ZBTB20: variants seen among roughly 807,000 people sequenced by gnomAD.
The protein encoded by ZBTB20 is zinc finger and BTB domain-containing protein 20.
A neutral mutation model predicts 56.9 loss-of-function variants in ZBTB20; 9 were observed. The observed-to-expected ratio is 0.16, with a 90% CI of 0.10 to 0.28. The LOEUF (loss-of-function observed/expected upper bound fraction) is 0.28. ZBTB20 is among the 10% of genes least tolerant of loss of function. The pLI, the probability that ZBTB20 is intolerant of heterozygous loss-of-function variation, is 1.00. For synonymous variants in ZBTB20, 417 were observed against 420.7 expected, an observed-to-expected ratio of 0.99 and a Z score of 0.11; for missense variants, 655 against 1,003.0, an observed-to-expected ratio of 0.65 and a Z score of 4.69.
chr3:114,370,793 G>A (rs1340325315), intron 10 of ZBTB20, among the ~76,000 whole-genome samples: 1 of 152,182 alleles, frequency 6.6e-6, no homozygotes, highest in Non-Finnish European at 1.5e-5. Context: ...AACACCTGTG[G>A]TAGCTCATAC....
At chr3:114,460,539 A>C (rs980357650) in intron 7 of ZBTB20, among the ~76,000 whole-genome samples, 2 of 152,324 alleles carry the variant, frequency 1.3e-5, no homozygotes, top group South Asian at 2.1e-4. Context: ...TCATGCACCA[A>C]GGAGTGCAGG....
intron 5 of ZBTB20, among the ~76,000 whole-genome samples, chr3:114,722,327 G>A (rs2108499202): frequency 6.6e-6 from 1 of 152,298 alleles, no homozygotes; most frequent in South Asian, 2.1e-4. Context: ...ATGGGTGTAT[G>A]CAAACCTAGT....
At chr3:114,904,821 C>T (rs893624965) in intron 3 of ZBTB20, among the ~76,000 whole-genome samples, 10 of 151,934 alleles carry the variant, frequency 6.6e-5, no homozygotes, top group African/African-American at 2.2e-4. Flanking sequence ...GAACTGGAAA[C>T]AGATAAAGTG....
intron 7 of ZBTB20, among the ~76,000 whole-genome samples, chr3:114,435,929 T>C (rs941003359): frequency 6.6e-6 from 1 of 152,142 alleles, no homozygotes; most frequent in African/African-American, 2.4e-5. Context: ...TTACCAGCTG[T>C]GAGTCAGCTT....
rs2080672473 is a variant in ZBTB20, at chr3:114,351,507, G to A, written c.571C>T (p.Arg191Cys). ...QIKTVIDECT[R>C]IVSQNVGDVF... ...TCGCCCACGTTCTGTGACACGATGC[G>A]CGTGCACTCGTCGATGACTGTTTTG... The change falls in exon 11 of 12, where the codon CGC (arginine) becomes TGC (cysteine). Residue 191 changes from arginine to cysteine, a missense_variant. Transcript: ENST00000675478. 3 of 1,613,876 alleles carry A rather than the reference G, an allele frequency of 1.9e-6. No individual in the cohort carries two copies. The highest frequency in any genetic ancestry group is 1.6e-4 in the Middle Eastern group (1 of 6,084).
chr3:114,479,563 A>G (rs1484038548), intron 7 of ZBTB20, among the ~76,000 whole-genome samples: 1 of 152,150 alleles, frequency 6.6e-6, no homozygotes, highest in African/African-American at 2.4e-5. Context: ...GTATTTCCAT[A>G]TTTGTATTGT....
intron 1 of ZBTB20, among the ~76,000 whole-genome samples, chr3:115,142,517 A>G (rs528915511): frequency 6.6e-6 from 1 of 152,210 alleles, no homozygotes; most frequent in East Asian, 1.9e-4. Flanking sequence ...CAAAAAAATT[A>G]GTAGGACGTG....
At chr3:114,698,127 A>G (rs1009621230) in intron 5 of ZBTB20, among the ~76,000 whole-genome samples, 3 of 152,148 alleles carry the variant, frequency 2.0e-5, no homozygotes, top group Admixed American at 2.0e-4. Context: ...TACCCAATCA[A>G]AAATATTATT....
chr3:115,047,246 A>G (rs535825970), intron 2 of ZBTB20, among the ~76,000 whole-genome samples: 1 of 152,330 alleles, frequency 6.6e-6, no homozygotes, highest in Non-Finnish European at 1.5e-5. Flanking sequence ...AAAGTCATCT[A>G]TTTTGTACCA....
chr3:114,900,212 T>G (rs946959777), intron 4 of ZBTB20, 92 bp downstream of exon 4: 1 of 152,158 alleles, frequency 6.6e-6, no homozygotes, highest in Non-Finnish European at 1.5e-5. Context: ...TTTTACATTA[T>G]GAAATCTATA....
chr3:114,865,813 T>A (rs2075742808), intron 4 of ZBTB20, among the ~76,000 whole-genome samples: 2 of 152,198 alleles, frequency 1.3e-5, no homozygotes, highest in African/African-American at 2.4e-5. Context: ...GAAGGTAGTA[T>A]CCCTAGAAAT....
chr3:114,547,975 A>G (rs1228043219), intron 6 of ZBTB20, among the ~76,000 whole-genome samples: 1 of 152,216 alleles, frequency 6.6e-6, no homozygotes, highest in East Asian at 1.9e-4. Context: ...TTTAAAAATC[A>G]ATAATTTTTC....
At chr3:114,370,139 G>A (rs1318568119) in intron 10 of ZBTB20, among the ~76,000 whole-genome samples, 2 of 152,178 alleles carry the variant, frequency 1.3e-5, no homozygotes, top group Non-Finnish European at 2.9e-5. Flanking sequence ...TGAAATGGAA[G>A]ATCTAATTCC....
In ZBTB20 at chr3:115,095,736, A is replaced by T. The variant is rs144348752; in HGVS notation, c.-702-24322T>A. Among the ~76,000 whole-genome samples the T allele has an allele frequency of 2.6e-3, 400 of 152,276 alleles. 2 individuals carry two copies. The highest frequency in any genetic ancestry group is 4.1e-3 in the Non-Finnish European group (276 of 68,002). On this transcript the variant is annotated intron_variant, in intron 1 of 11. Transcript: ENST00000675478. The stretch of plus-strand genomic sequence containing the variant: ...GCTGAATTAGAACTAGGGGAGCTCA[A>T]GGATATTTTGATATATTAAACATAA...
At chr3:114,704,916 C>T (rs1315547066) in intron 5 of ZBTB20, among the ~76,000 whole-genome samples, 1 of 152,098 alleles carries the variant, frequency 6.6e-6, no homozygotes, top group African/African-American at 2.4e-5. Context: ...TCCCATTTTT[C>T]CCTTTTCTTG....
chr3:115,082,422 T>C (rs1259588504), intron 1 of ZBTB20, among the ~76,000 whole-genome samples: 1 of 152,174 alleles, frequency 6.6e-6, no homozygotes, highest in Non-Finnish European at 1.5e-5. Flanking sequence ...TCTACATTTA[T>C]ATACCTTGCT....
chr3:115,106,046 G>A (rs1406196362), intron 1 of ZBTB20, among the ~76,000 whole-genome samples: 2 of 151,920 alleles, frequency 1.3e-5, no homozygotes, highest in African/African-American at 2.4e-5. Flanking sequence ...TCAAATTCCC[G>A]ACCTTGTGAT....
chr3:114,372,644 A>G (rs1037335219), intron 10 of ZBTB20, among the ~76,000 whole-genome samples: 4 of 152,098 alleles, frequency 2.6e-5, no homozygotes, highest in African/African-American at 9.7e-5. Flanking sequence ...CCTGGGCAAC[A>G]TGATCAAATC....
At chr3:114,660,233 C>T (rs1172437593) in intron 6 of ZBTB20, among the ~76,000 whole-genome samples, 2 of 152,166 alleles carry the variant, frequency 1.3e-5, no homozygotes. Flanking sequence ...TTGACAGGGC[C>T]GTCCTGTTTC....
Sources: gnomAD v4.1 joint callset for allele counts (sites outside exome capture counted in the v4.1 genomes callset) on GRCh38, gnomAD v4.1.1 for gene constraint, MANE v1.5 for transcripts, NCBI Gene and HGNC (gene_info 2026-07-23, HGNC 2026-07-21) for gene names.